TNFSF13B: variants seen among roughly 807,000 people sequenced by gnomAD.
TNFSF13B encodes TNF superfamily member 13b, also known as tumor necrosis factor ligand superfamily member 13B.
A neutral mutation model predicts 29.1 loss-of-function variants in TNFSF13B; 8 were observed. That is an observed-to-expected ratio of 0.27 (90% CI 0.16 to 0.50). The LOEUF (loss-of-function observed/expected upper bound fraction) is 0.50, where lower values mean the gene tolerates loss of function less well. Among genes scored for constraint, TNFSF13B ranks in the 20% least tolerant of loss-of-function variants. The probability of loss-of-function intolerance (pLI) is 0.98; values close to 1 mark genes in which losing one functional copy is unlikely to be tolerated. For synonymous variants in TNFSF13B, 125 were observed against 130.8 expected, an observed-to-expected ratio of 0.96 and a Z score of 0.30; for missense variants, 248 against 334.9, an observed-to-expected ratio of 0.74 and a Z score of 2.03.
chr13:108,280,721 T>C (rs1322855895), intron 2 of TNFSF13B, among the ~76,000 whole-genome samples: 1 of 152,132 alleles, frequency 6.6e-6, no homozygotes, highest in Non-Finnish European at 1.5e-5. Context: ...TAATGCTTTT[T>C]TTTTTTTTAC....
chr13:108,289,151 A>G (rs896712840), intron 3 of TNFSF13B, among the ~76,000 whole-genome samples: 3 of 152,162 alleles, frequency 2.0e-5, no homozygotes, highest in African/African-American at 7.2e-5. Context: ...GGTTTACTTT[A>G]CACATCTCTC....
At chr13:108,303,715 C>A (rs1881692881) in intron 5 of TNFSF13B, 111 bp downstream of exon 5, 1 of 1,098,024 alleles carries the variant, frequency 9.1e-7, no homozygotes, top group Non-Finnish European at 1.3e-6. Context: ...TACAAATAGA[C>A]AGAAAGACAT....
chr13:108,304,967 T>G (rs539663500), intron 5 of TNFSF13B, among the ~76,000 whole-genome samples: 1 of 152,286 alleles, frequency 6.6e-6, no homozygotes, highest in African/African-American at 2.4e-5. Context: ...ATCTGTTATT[T>G]ATTTATATTT....
chr13:108,297,241 T>C (rs1430639123), intron 3 of TNFSF13B, among the ~76,000 whole-genome samples: 1 of 146,006 alleles, frequency 6.8e-6, no homozygotes, highest in East Asian at 1.9e-4. Flanking sequence ...ACAGTGTTTT[T>C]CATTCAGTAC....
rs765154111 is a variant in TNFSF13B, at chr13:108,303,560, A to G, written c.701A>G (p.Gln234Arg). 1.2e-6 allele frequency: 2 copies of G among 1,613,750 alleles called. No individual in the cohort carries two copies. Among genetic ancestry groups the G allele is most frequent in the Non-Finnish European group, 1.7e-6 (2 of 1,179,760 alleles). ...LSLVTLFRCI[Q>R]NMPETLPNNS... Reference sequence around the variant, plus strand: ...CTGGTGACTTTGTTTCGATGTATTCAAAATATGCCTGAAACACTACCCAAT... The same window carrying G: ...CTGGTGACTTTGTTTCGATGTATTCGAAATATGCCTGAAACACTACCCAAT... Residue 234 changes from glutamine (Q) to arginine (R), a missense_variant, in exon 5 of 6, where the codon CAA (glutamine) becomes CGA (arginine). Around this residue, in one of 2 missense-constraint regions of TNFSF13B, gnomAD observed 62 missense variants for 138.6 expected, o/e 0.45. Transcript: ENST00000375887.
At chr13:108,275,369 T>C (rs1880734721) in intron 2 of TNFSF13B, among the ~76,000 whole-genome samples, 1 of 152,120 alleles carries the variant, frequency 6.6e-6, no homozygotes. Flanking sequence ...ATCACTGACC[T>C]AAAAAGGTTC....
chr13:108,303,291 AG>A lies in TNFSF13B; in HGVS notation c.524del (p.Gly175GlufsTer4). 6.2e-7 allele frequency: 1 copy of A among 1,613,242 alleles called. No individual in the cohort carries two copies. The highest frequency in any genetic ancestry group is 8.5e-7 in the Non-Finnish European group (1 of 1,179,566). Reference sequence around the variant, plus strand: ...TGTTCCATGGCTTCTCAGCTTTAAAAGGGGAAGTGCCCTAGAAGAAAAAGAG... The same window carrying A: ...TGTTCCATGGCTTCTCAGCTTTAAAAGGGAAGTGCCCTAGAAGAAAAAGAG... ...TFVPWLLSFK[R>X]GSALEEKENK... is the part of the protein sequence containing the mutation. On this transcript the variant is annotated frameshift_variant, in exon 4 of 6. Coordinates refer to ENST00000375887, the MANE Select transcript of TNFSF13B (RefSeq NM_006573.5). LOFTEE classifies it high-confidence loss of function.
intron 5 of TNFSF13B, among the ~76,000 whole-genome samples, chr13:108,304,185 G>A (rs1197065501): frequency 6.6e-6 from 1 of 152,164 alleles, no homozygotes; most frequent in Non-Finnish European, 1.5e-5. Flanking sequence ...TGCTGTGGAA[G>A]AAATGCCCCT....
intron 5 of TNFSF13B, among the ~76,000 whole-genome samples, chr13:108,305,569 A>G (rs1383650627): frequency 6.6e-6 from 1 of 152,134 alleles, no homozygotes; most frequent in Non-Finnish European, 1.5e-5. Context: ...CTCTATGAAA[A>G]TGACAAGTCT....
rs1881049785 is a variant in TNFSF13B, at chr13:108,284,266, T to A, written c.425-2537T>A. The stretch of plus-strand genomic sequence containing the variant: ...ATGGCGTGAGCGCGGGAGGCGGAGC[T>A]TGCAGTGAGCTGAGATCGCGCCACT... On this transcript the variant is annotated intron_variant, in intron 2 of 5. Coordinates refer to ENST00000375887, the MANE Select transcript of TNFSF13B (RefSeq NM_006573.5). 2.0e-5 allele frequency among the ~76,000 whole-genome samples: 3 copies of A among 152,088 alleles called. No homozygotes were observed. In the South Asian group the frequency reaches 6.2e-4, roughly 31 times the overall value.
At chr13:108,281,187 G>A (rs914363442) in intron 2 of TNFSF13B, among the ~76,000 whole-genome samples, 5 of 152,008 alleles carry the variant, frequency 3.3e-5, no homozygotes, top group Non-Finnish European at 7.4e-5. Context: ...TTTGCAATGA[G>A]CCAAGATTGT....
chr13:108,297,991 C>A (rs1246373898), intron 3 of TNFSF13B, among the ~76,000 whole-genome samples: 1 of 146,236 alleles, frequency 6.8e-6, no homozygotes, highest in African/African-American at 2.6e-5. Flanking sequence ...ACTGCTTATC[C>A]CCTGGAAATG....
chr13:108,283,502 T>C (rs1881022480), intron 2 of TNFSF13B, among the ~76,000 whole-genome samples: 1 of 152,188 alleles, frequency 6.6e-6, no homozygotes. Flanking sequence ...AGACCACTGT[T>C]TTTCAATGTG....
rs751272617 is a variant in TNFSF13B at position 108,270,336 on chromosome 13, A to G, written c.340-4A>G. 3.7e-5 allele frequency: 60 copies of G among 1,614,056 alleles called. No individual in the cohort carries two copies. Among genetic ancestry groups the G allele is most frequent in the South Asian group, 3.4e-4 (31 of 91,092 alleles). ...CTAATAACTTGAAGTTTTTCTGTTCATAGATCTTTGAACCACCAGCTCCAG... is the reference window on the plus strand; with the variant it reads ...CTAATAACTTGAAGTTTTTCTGTTCGTAGATCTTTGAACCACCAGCTCCAG... On this transcript the variant is annotated splice_polypyrimidine_tract_variant and splice_region_variant and intron_variant, in intron 1 of 5. Transcript: ENST00000375887.
intron 3 of TNFSF13B, among the ~76,000 whole-genome samples, chr13:108,295,310 G>T (rs1278932947): frequency 6.9e-6 from 1 of 144,852 alleles, no homozygotes; most frequent in Admixed American, 6.8e-5. Context: ...AAGTAGCTGG[G>T]ACTACAGGCA....
At chr13:108,290,494 A>G (rs1881273599) in intron 3 of TNFSF13B, among the ~76,000 whole-genome samples, 1 of 152,108 alleles carries the variant, frequency 6.6e-6, no homozygotes, top group Non-Finnish European at 1.5e-5. Flanking sequence ...AGCATCTCTT[A>G]ATTTGCTTTC....
chr13:108,271,100 C>G (rs986734248), intron 2 of TNFSF13B, among the ~76,000 whole-genome samples: 1 of 151,954 alleles, frequency 6.6e-6, no homozygotes, highest in Admixed American at 6.6e-5. Context: ...GCTCATTCCA[C>G]GGAACTTTAC....
At chr13:108,302,998 C>A in intron 3 of TNFSF13B, 1 of 488,082 alleles carries the variant, frequency 2.0e-6, no homozygotes, top group Non-Finnish European at 3.1e-6. Context: ...AAGGGAAAAC[C>A]CAGACATTCA....
At chr13:108,274,321 A>G (rs1309428502) in intron 2 of TNFSF13B, among the ~76,000 whole-genome samples, 1 of 150,662 alleles carries the variant, frequency 6.6e-6, no homozygotes, top group Non-Finnish European at 1.5e-5. Context: ...ATATGAACAA[A>G]TACATATATT....
Sources: gnomAD v4.1 joint callset for allele counts (sites outside exome capture counted in the v4.1 genomes callset) on GRCh38, gnomAD v4.1.1 for gene constraint, gnomAD v4.1.1 regional missense constraint, MANE v1.5 for transcripts, NCBI Gene and HGNC (gene_info 2026-07-23, HGNC 2026-07-21) for gene names.